RBM33: variants seen among roughly 807,000 people sequenced by gnomAD.
RBM33 encodes the protein RNA binding motif protein 33, also known as RNA-binding protein 33.
A neutral mutation model predicts 132.6 loss-of-function variants in RBM33; 28 were observed. That is an observed-to-expected ratio of 0.21 (90% CI 0.16 to 0.29). The LOEUF (loss-of-function observed/expected upper bound fraction) is 0.29, where lower values mean the gene tolerates loss of function less well. Ranked by LOEUF, RBM33 falls within the 10% of genes least tolerant of loss-of-function variation. The probability of loss-of-function intolerance (pLI) is 1.00; values close to 1 mark genes in which losing one functional copy is unlikely to be tolerated. For missense variants in RBM33, 1,291 were observed against 1,518.5 expected (o/e 0.85, Z 2.49); for synonymous variants, 634 against 593.0 (o/e 1.07, Z -1.01).
intron 4 of RBM33, among the ~76,000 whole-genome samples, chr7:155,679,284 A>G (rs904264007): frequency 6.6e-6 from 1 of 152,210 alleles, no homozygotes; most frequent in African/African-American, 2.4e-5. Context: ...CTGCTTTTCT[A>G]AAGAATTCCT....
At chr7:155,740,548 C>T (rs1194676618) in intron 12 of RBM33, among the ~76,000 whole-genome samples, 1 of 152,190 alleles carries the variant, frequency 6.6e-6, no homozygotes, top group African/African-American at 2.4e-5. Context: ...TATACTCAGT[C>T]GAGGGAGATT....
intron 14 of RBM33, among the ~76,000 whole-genome samples, chr7:155,748,752 A>G (rs1470475388): frequency 2.0e-5 from 3 of 149,054 alleles, no homozygotes; most frequent in African/African-American, 7.5e-5. Context: ...GAGAATGTCT[A>G]GTCCTTTCTT....
chr7:155,746,161 T>TA (rs1801510769), intron 14 of RBM33, among the ~76,000 whole-genome samples: 1 of 152,228 alleles, frequency 6.6e-6, no homozygotes, highest in Non-Finnish European at 1.5e-5. Context: ...TTTAGCTTCT[T>TA]ATTGTAGATA....
intron 9 of RBM33, among the ~76,000 whole-genome samples, 177 bp from the exon 10 acceptor site, chr7:155,737,353 C>CTCTGTG (rs374178024): frequency 3.5e-5 from 5 of 142,842 alleles, no homozygotes; most frequent in Non-Finnish European, 4.6e-5. Context: ...ATGCATGACT[C>CTCTGTG]TGTGTGTGTG....
chr7:155,680,968 A>C, intron 5 of RBM33, 60 bp downstream of exon 5: 2 of 1,375,010 alleles, frequency 1.5e-6, no homozygotes, highest in South Asian at 2.7e-5. Flanking sequence ...ATAGGCTTCT[A>C]GACTGATTTG....
At chr7:155,699,358 C>G (rs1469256506) in intron 5 of RBM33, among the ~76,000 whole-genome samples, 1 of 152,130 alleles carries the variant, frequency 6.6e-6, no homozygotes, top group Non-Finnish European at 1.5e-5. Context: ...CAACATGATT[C>G]CCACTGATGA....
Position 155,741,993 on chromosome 7 carries a change from C to T in RBM33, c.2224C>T (p.Pro742Ser), listed in dbSNP as rs139706552. 3.4e-3 allele frequency: 5,472 copies of T among 1,614,030 alleles called. 16 individuals carry two copies. Among genetic ancestry groups the T allele is most frequent in the Middle Eastern group, 6.9e-3 (42 of 6,062 alleles). Residue 742 changes from proline (P) to serine (S), a missense_variant, in exon 13 of 18, where the codon CCA (proline) becomes TCA (serine). Coordinates refer to ENST00000401878, the MANE Select transcript of RBM33 (RefSeq NM_053043.3). ...AGTGAAACCTATCGTCAGCGCGTCA[C>T]CACCCTCGCGGGCCGTGGCGGGTTC... The part of the protein sequence containing the change: ...AQVKPIVSAS[P>S]PSRAVAGSRS...
rs1292956290 is a variant in RBM33 at position 155,774,937 on chromosome 7, T to C, written c.3465-56T>C. The C allele has an allele frequency of 1.0e-5, 16 of 1,531,166 alleles. No homozygotes were observed. Among genetic ancestry groups the C allele is most frequent in the African/African-American group, 1.4e-5 (1 of 73,262 alleles). The allele number at this position is 1,531,166 out of a possible 1,614,324, so 94.8% of individuals were successfully genotyped here. A position where few individuals can be genotyped will look rare whatever the true frequency, so the allele number is the denominator to read the frequency against. On this transcript the variant is annotated intron_variant, in intron 17 of 17. Transcript: ENST00000401878. This position sits in a 1 kb window ranked among gnomAD's most constrained non-coding sequence, Gnocchi z 4.2. ...CTCTTTTAGTTTCCTCCCACCTTGG[T>C]AGGTTGATTGCCGATGTGCAGGGTT...
intron 14 of RBM33, among the ~76,000 whole-genome samples, chr7:155,751,695 A>G (rs1423540587): frequency 6.6e-6 from 1 of 152,200 alleles, no homozygotes. Context: ...TTTGTCCAAT[A>G]TTGACAAGAT....
At position 155,700,999 on chromosome 7, in the gene RBM33, T is replaced by A. The variant is rs781728933; in HGVS notation, c.739+55T>A. On this transcript the variant is annotated intron_variant, in intron 6 of 17. Transcript: ENST00000401878. ...TTTACTCTCATTTCAACTTCCTCCA[T>A]AGTATTGCTGTAATTAATCAAAGTA... 2.1e-5 allele frequency: 30 copies of A among 1,412,180 alleles called. No homozygotes were observed. In the African/African-American group the frequency reaches 4.2e-4, roughly 20 times the overall value. The allele number at this position is 1,412,180 out of a possible 1,614,324, so 87.5% of individuals were successfully genotyped here.
chr7:155,696,142 A>G (rs1585450076), intron 5 of RBM33, among the ~76,000 whole-genome samples: 1 of 152,290 alleles, frequency 6.6e-6, no homozygotes, highest in East Asian at 1.9e-4. Flanking sequence ...TCAGTACTAT[A>G]CAGTCTTGAT....
rs765600542 is a variant in RBM33, at chr7:155,738,285, T to C, written c.1619T>C (p.Ile540Thr). The C allele has an allele frequency of 6.2e-7, 1 of 1,613,918 alleles. No individual in the cohort carries two copies. Among genetic ancestry groups the C allele is most frequent in the South Asian group, 1.1e-5 (1 of 91,072 alleles). ...PALQPPGPVG[I>T]LHFSQPGSAT... ...TTGCAGCCTCCAGGTCCGGTGGGGA[T>C]TCTGCACTTTAGCCAGCCTGGGTCG... The change falls in exon 11 of 18, where the codon ATT becomes ACT. Residue 540 changes from isoleucine to threonine, a missense_variant. By Grantham distance (89) the Ile-to-Thr change is moderately conservative (BLOSUM62 -1). Coordinates refer to ENST00000401878, the MANE Select transcript of RBM33 (RefSeq NM_053043.3).
intron 5 of RBM33, among the ~76,000 whole-genome samples, chr7:155,689,264 G>T (rs1563145097): frequency 6.6e-6 from 1 of 152,200 alleles, no homozygotes; most frequent in Non-Finnish European, 1.5e-5. Flanking sequence ...TTGCGTAGAG[G>T]TGTTTATAGT....
At chr7:155,742,225 G>T in intron 13 of RBM33, 119 bp downstream of exon 13, 21 of 938,512 alleles carry the variant, frequency 2.2e-5, no homozygotes, top group East Asian at 8.4e-5. Context: ...TTTTTCACCT[G>T]GGTCTTTTTT....
chr7:155,719,342 C>A (rs950287612), intron 9 of RBM33, among the ~76,000 whole-genome samples: 3 of 152,014 alleles, frequency 2.0e-5, no homozygotes, highest in Non-Finnish European at 2.9e-5. Context: ...CAGTAGATAA[C>A]ATTTATATAT....
intron 2 of RBM33, among the ~76,000 whole-genome samples, chr7:155,669,229 G>T (rs1304908929): frequency 6.6e-6 from 1 of 152,188 alleles, no homozygotes; most frequent in East Asian, 1.9e-4. Flanking sequence ...TGCTGTACTG[G>T]TAGTGGTGTT....
chr7:155,755,916 C>G (rs1040105267), intron 14 of RBM33, among the ~76,000 whole-genome samples: 11 of 151,976 alleles, frequency 7.2e-5, no homozygotes, highest in African/African-American at 2.7e-4. Flanking sequence ...AAAAACTAGT[C>G]TAAAAAGCGA....
At chr7:155,725,514 T>A (rs1031831920) in intron 9 of RBM33, among the ~76,000 whole-genome samples, 1 of 152,092 alleles carries the variant, frequency 6.6e-6, no homozygotes, top group Non-Finnish European at 1.5e-5. Flanking sequence ...GAAAAAAACA[T>A]AGAATCTGGT....
intron 16 of RBM33, chr7:155,766,909 T>A (rs1802240597): frequency 1.4e-5 from 7 of 503,968 alleles, no homozygotes; most frequent in Middle Eastern, 5.2e-4. Flanking sequence ...TCCTTTGAGA[T>A]CCTTTTAATT....
Sources: gnomAD v4.1 joint callset for allele counts (sites outside exome capture counted in the v4.1 genomes callset) on GRCh38, gnomAD v4.1.1 for gene constraint, Gnocchi (gnomAD v3.1) non-coding constraint, MANE v1.5 for transcripts, NCBI Gene and HGNC (gene_info 2026-07-23, HGNC 2026-07-21) for gene names.